OPCML: variants seen among roughly 807,000 people sequenced by gnomAD.
OPCML encodes the protein opioid binding protein/cell adhesion molecule like, also known as opioid-binding protein/cell adhesion molecule.
In OPCML, 13 loss-of-function variants were observed where a neutral mutation model predicts 37.8. That is an observed-to-expected ratio of 0.34 (90% confidence interval 0.22 to 0.55). The LOEUF (loss-of-function observed/expected upper bound fraction) is 0.55, where lower values mean the gene tolerates loss of function less well. OPCML is among the 20% of genes least tolerant of loss of function. OPCML has a pLI of 0.91. For synonymous variants in OPCML, 176 were observed against 168.8 expected, an observed-to-expected ratio of 1.04 and a Z score of -0.33; for missense variants, 341 against 435.6, an observed-to-expected ratio of 0.78 and a Z score of 1.93.
rs887051313 is a variant in OPCML, at chr11:133,439,390, A to G, written c.61+92874T>C. On this transcript the variant is annotated intron_variant, in intron 1 of 7. Transcript: ENST00000524381. ...ACACCTAGATGAGTTTATAGGAAAAATTCCGTCTGTTTCAGGGAATAGGAA... is the reference window on the plus strand; with the variant it reads ...ACACCTAGATGAGTTTATAGGAAAAGTTCCGTCTGTTTCAGGGAATAGGAA... 2.9e-5 allele frequency: 29 copies of G among 985,108 alleles called. No homozygotes were observed. In the African/African-American group the frequency reaches 4.9e-4, roughly 17 times the overall value. 61.0% of individuals were successfully genotyped at this position (985,108 alleles called of 1,614,324 possible).
At chr11:132,868,899 T>C (rs1942682904) in intron 2 of OPCML, among the ~76,000 whole-genome samples, 1 of 152,110 alleles carries the variant, frequency 6.6e-6, no homozygotes, top group Non-Finnish European at 1.5e-5. Context: ...CATACGTGAG[T>C]GCCTGATCTC....
At chr11:133,220,695 T>C (rs1388279545) in intron 1 of OPCML, among the ~76,000 whole-genome samples, 1 of 152,146 alleles carries the variant, frequency 6.6e-6, no homozygotes, top group Non-Finnish European at 1.5e-5. Context: ...CTACCACCAC[T>C]AAATGCTCCC....
intron 1 of OPCML, among the ~76,000 whole-genome samples, chr11:133,402,926 C>T (rs1945440107): frequency 1.3e-5 from 2 of 152,170 alleles, no homozygotes; most frequent in African/African-American, 4.8e-5. Flanking sequence ...AACTTCTGCC[C>T]AAACTGGTCT....
At chr11:133,268,699 G>A (rs1003565038) in intron 1 of OPCML, among the ~76,000 whole-genome samples, 7 of 152,184 alleles carry the variant, frequency 4.6e-5, no homozygotes, top group African/African-American at 1.7e-4. Context: ...CCAAAACTGT[G>A]ATTAGTACTG....
chr11:133,323,525 T>C (rs149000661), intron 1 of OPCML, among the ~76,000 whole-genome samples: 9 of 152,184 alleles, frequency 5.9e-5, no homozygotes, highest in South Asian at 2.1e-4. Context: ...AAGGAAATGC[T>C]TCAGCACTGA....
In OPCML at chr11:133,251,581, G is replaced by T. The variant is rs192579688; in HGVS notation, c.61+280683C>A. On this transcript the variant is annotated intron_variant, in intron 1 of 7. Coordinates refer to ENST00000524381, the MANE Select transcript of OPCML (RefSeq NM_001012393.5). Reference sequence around the variant, plus strand: ...TGTTTGTTTGTGTTCTTTTTTTGGGGGGGGGAGGGGACACGGGGTACAGAC... The same window carrying T: ...TGTTTGTTTGTGTTCTTTTTTTGGGTGGGGGAGGGGACACGGGGTACAGAC... Among the ~76,000 whole-genome samples, 11 of 151,962 alleles carry T rather than the reference G, an allele frequency of 7.2e-5. No individual in the cohort carries two copies. The East Asian group carries it at 2.1e-3, about 30-fold the overall frequency.
At chr11:132,529,000 G>T in intron 4 of OPCML, 61 bp downstream of exon 4, 2 of 990,476 alleles carry the variant, frequency 2.0e-6, no homozygotes, top group Non-Finnish European at 3.1e-6. Flanking sequence ...GCTCTGTTGT[G>T]CATAAGAGCC....
At chr11:132,508,863 A>T (rs2096262975) in intron 4 of OPCML, among the ~76,000 whole-genome samples, 1 of 152,096 alleles carries the variant, frequency 6.6e-6, no homozygotes, top group Non-Finnish European at 1.5e-5. Flanking sequence ...TAATACAGTA[A>T]ATTGGTACCA....
chr11:132,644,378 C>A (rs940681190), intron 3 of OPCML, among the ~76,000 whole-genome samples: 1 of 152,078 alleles, frequency 6.6e-6, no homozygotes, highest in African/African-American at 2.4e-5. Context: ...AAAACTCGGA[C>A]TCCCAGGGGA....
chr11:133,151,787 G>A, intron 1 of OPCML, among the ~76,000 whole-genome samples: 1 of 152,074 alleles, frequency 6.6e-6, no homozygotes, highest in East Asian at 1.9e-4. Context: ...ATGGAGGTGG[G>A]AATCTTGGTC....
At chr11:133,300,636 C>T (rs1398424201) in intron 1 of OPCML, 1 of 152,056 alleles carries the variant, frequency 6.6e-6, no homozygotes, top group African/African-American at 2.4e-5. Flanking sequence ...AGATATCAGG[C>T]CTTTTCCCTA....
chr11:132,945,432 A>G (rs1408519452), intron 1 of OPCML, among the ~76,000 whole-genome samples: 1 of 152,238 alleles, frequency 6.6e-6, no homozygotes, highest in African/African-American at 2.4e-5. Context: ...GGTACAAAAG[A>G]TTAAAAAATG....
chr11:133,491,922 T>G (rs187078945), intron 1 of OPCML, among the ~76,000 whole-genome samples: 4 of 152,282 alleles, frequency 2.6e-5, no homozygotes, highest in Non-Finnish European at 2.9e-5. Flanking sequence ...ACGAGGCCTT[T>G]CTATCCTGGG....
At chr11:132,721,451 C>T (rs1271047414) in intron 2 of OPCML, among the ~76,000 whole-genome samples, 1 of 152,148 alleles carries the variant, frequency 6.6e-6, no homozygotes, top group Non-Finnish European at 1.5e-5. Flanking sequence ...ACCAGCAAGG[C>T]ATGTGAGGAC....
intron 2 of OPCML, among the ~76,000 whole-genome samples, chr11:132,714,932 C>T (rs1164338048): frequency 4.6e-5 from 7 of 152,108 alleles, no homozygotes; most frequent in Non-Finnish European, 4.4e-5. Context: ...AAACAGTTCA[C>T]AGTGCAAAGG....
At chr11:132,494,588 A>G (rs2096225426) in intron 4 of OPCML, among the ~76,000 whole-genome samples, 1 of 152,210 alleles carries the variant, frequency 6.6e-6, no homozygotes, top group African/African-American at 2.4e-5. Context: ...CAAAAATCTC[A>G]ACAATTATAG....
chr11:132,457,329 A>T (rs2096086024), intron 4 of OPCML, among the ~76,000 whole-genome samples: 1 of 152,322 alleles, frequency 6.6e-6, no homozygotes, highest in Non-Finnish European at 1.5e-5. Flanking sequence ...ACAAGTGGTG[A>T]GACATCTACT....
intron 3 of OPCML, among the ~76,000 whole-genome samples, chr11:132,594,678 A>C (rs1565694251): frequency 1.3e-5 from 2 of 152,324 alleles, no homozygotes; most frequent in Non-Finnish European, 2.9e-5. Flanking sequence ...GGCTGGTTTT[A>C]ACTCAAGAAA....
intron 2 of OPCML, among the ~76,000 whole-genome samples, chr11:132,758,715 T>C (rs530303007): frequency 6.6e-6 from 1 of 152,178 alleles, no homozygotes; most frequent in Admixed American, 6.5e-5. Flanking sequence ...AACAATGGTG[T>C]TTTCTAAATA....
Sources: allele counts gnomAD v4.1 joint callset (sites outside exome capture counted in the v4.1 genomes callset), GRCh38; gene constraint gnomAD v4.1.1; transcripts MANE v1.5; gene names NCBI Gene and HGNC (gene_info 2026-07-23, HGNC 2026-07-21).